The following ABTB3 variants were observed in gnomAD, a reference collection of about 807,000 sequenced individuals.
ABTB3 encodes ankyrin repeat and BTB domain containing 3.
chr12:107,589,053 G>A, the ABTB3 span, among the ~76,000 whole-genome samples: 4 of 152,136 alleles, frequency 2.6e-5, no homozygotes, highest in East Asian at 7.7e-4. Context: ...ACCTCTCTGG[G>A]CCTCAATTTA....
At chr12:107,345,355 A>G in the ABTB3 span, among the ~76,000 whole-genome samples, 2 of 152,306 alleles carry the variant, frequency 1.3e-5, no homozygotes, top group South Asian at 4.1e-4. Context: ...GGAGCTCTCT[A>G]TGAAGGGAGA....
the ABTB3 span, among the ~76,000 whole-genome samples, chr12:107,427,855 T>C: frequency 6.6e-6 from 1 of 152,182 alleles, no homozygotes; most frequent in African/African-American, 2.4e-5. Context: ...TGACAGTGGG[T>C]GAGGTGGTAT....
At chr12:107,629,956 C>G in the ABTB3 span, among the ~76,000 whole-genome samples, 2 of 152,008 alleles carry the variant, frequency 1.3e-5, no homozygotes, top group African/African-American at 4.8e-5. Context: ...ATGACACCAC[C>G]CCTCACACTC....
the ABTB3 span, chr12:107,318,706 T>C: frequency 6.2e-6 from 3 of 486,858 alleles, no homozygotes; most frequent in East Asian, 3.2e-5. Context: ...TCGCTCCCCA[T>C]TGCGCCCAGC....
chr12:107,620,819 T>G, the ABTB3 span, among the ~76,000 whole-genome samples: 1 of 152,176 alleles, frequency 6.6e-6, no homozygotes, highest in Non-Finnish European at 1.5e-5. Context: ...TTTCGACTAT[T>G]ACAACATTAA....
At chr12:107,596,407 G>A in the ABTB3 span, among the ~76,000 whole-genome samples, 6 of 152,192 alleles carry the variant, frequency 3.9e-5, no homozygotes, top group Non-Finnish European at 7.3e-5. Context: ...GAGGTCAGGA[G>A]TTCAAGACCA....
chr12:107,393,693 G>A, the ABTB3 span, among the ~76,000 whole-genome samples: 1 of 152,164 alleles, frequency 6.6e-6, no homozygotes, highest in Non-Finnish European at 1.5e-5. Flanking sequence ...CGCTTTGGGA[G>A]GCCAAGACGG....
chr12:107,654,825 C>T, the ABTB3 span, among the ~76,000 whole-genome samples: 1 of 140,408 alleles, frequency 7.1e-6, no homozygotes, highest in South Asian at 2.5e-4. Context: ...TACACACACA[C>T]ACACACACAC....
the ABTB3 span, among the ~76,000 whole-genome samples, chr12:107,583,681 G>A: frequency 6.6e-6 from 1 of 152,150 alleles, no homozygotes; most frequent in Admixed American, 6.5e-5. Context: ...TTTCTGCATG[G>A]TCTAGCGACC....
the ABTB3 span, among the ~76,000 whole-genome samples, chr12:107,523,854 C>T: frequency 6.6e-6 from 1 of 152,140 alleles, no homozygotes; most frequent in African/African-American, 2.4e-5. Context: ...ATCTGGCTAC[C>T]GAGTTGGGAC....
chr12:107,631,028 A>G, the ABTB3 span, among the ~76,000 whole-genome samples: 13 of 152,278 alleles, frequency 8.5e-5, no homozygotes, highest in South Asian at 1.0e-3. Context: ...TTGGGCTTCA[A>G]TTGAATCCAT....
the ABTB3 span, among the ~76,000 whole-genome samples, chr12:107,382,933 G>A: frequency 2.0e-5 from 3 of 152,058 alleles, no homozygotes; most frequent in African/African-American, 7.2e-5. Flanking sequence ...AAAAATCCTC[G>A]TAGCTGCTGC....
At chr12:107,451,078 G>A in the ABTB3 span, among the ~76,000 whole-genome samples, 4 of 152,028 alleles carry the variant, frequency 2.6e-5, no homozygotes, top group African/African-American at 4.8e-5. Flanking sequence ...TACGAATTCC[G>A]TACGGTGGCC....
chr12:107,369,406 T>TTC, the ABTB3 span, among the ~76,000 whole-genome samples: 3 of 150,936 alleles, frequency 2.0e-5, no homozygotes, highest in African/African-American at 7.3e-5. Flanking sequence ...TTTTTTTTTT[T>TTC]TTTCTTTTTG....
At chr12:107,521,680 A>ACCCCC in the ABTB3 span, among the ~76,000 whole-genome samples, 1 of 65,730 alleles carries the variant, frequency 1.5e-5, no homozygotes, top group Non-Finnish European at 3.2e-5. Flanking sequence ...ATGTCCCCCC[A>ACCCCC]CCCCCTACCC....
the ABTB3 span, chr12:107,319,414 C>T: frequency 3.1e-6 from 5 of 1,604,580 alleles, no homozygotes; most frequent in African/African-American, 2.7e-5. Context: ...CCAAGTGCAC[C>T]AAGTACGAGA....
chr12:107,640,015 G>A, the ABTB3 span, among the ~76,000 whole-genome samples: 1 of 152,188 alleles, frequency 6.6e-6, no homozygotes, highest in Non-Finnish European at 1.5e-5. Context: ...CAGCAGAAGT[G>A]GGGATGAGTG....
At chr12:107,463,745 T>C in the ABTB3 span, among the ~76,000 whole-genome samples, 2 of 152,214 alleles carry the variant, frequency 1.3e-5, no homozygotes, top group African/African-American at 4.8e-5. Flanking sequence ...CATTCTCATT[T>C]AATCTCCTCA....
the ABTB3 span, among the ~76,000 whole-genome samples, chr12:107,656,793 G>A: frequency 3.3e-5 from 5 of 152,174 alleles, no homozygotes; most frequent in African/African-American, 9.7e-5. Flanking sequence ...TAGGCAACTC[G>A]GAGCCTCAGT....
Sources: gnomAD v4.1 joint callset for allele counts (sites outside exome capture counted in the v4.1 genomes callset) on GRCh38, gnomAD v4.1.1 for gene constraint, MANE v1.5 for transcripts, NCBI Gene and HGNC (gene_info 2026-07-23, HGNC 2026-07-21) for gene names.